Variants in SLC25A21 observed in about 807,000 individuals in gnomAD.
SLC25A21 encodes solute carrier family 25 member 21, also known as mitochondrial 2-oxodicarboxylate carrier.
Under a neutral mutation model 43.8 loss-of-function variants are expected in SLC25A21, and 47 were observed. The ratio of observed to expected loss-of-function variants is 1.07; its 90% confidence interval spans 0.85 to 1.37. The LOEUF (loss-of-function observed/expected upper bound fraction) is 1.37. SLC25A21 is among the 40% of genes most tolerant of loss of function. SLC25A21 has a pLI of 0.00. For missense variants in SLC25A21, 352 were observed against 350.2 expected, an observed-to-expected ratio of 1.00 and a Z score of -0.04; for synonymous variants, 131 against 121.3, an observed-to-expected ratio of 1.08 and a Z score of -0.52.
At chr14:37,093,784 T>C (rs1255837532) in intron 1 of SLC25A21, among the ~76,000 whole-genome samples, 2 of 152,214 alleles carry the variant, frequency 1.3e-5, no homozygotes, top group African/African-American at 4.8e-5. Flanking sequence ...CCATTTAACC[T>C]GAATTTCTCT....
Position 36,678,719 on chromosome 14 carries a change from A to C in SLC25A21, c.*1939T>G. ...TTATTTTCTTTATCTAAATTAAGAA[A>C]TCTCTTGTTATTGTGCTATTTATAA... is the stretch of plus-strand genomic sequence containing the variant. On this transcript the variant is annotated 3_prime_UTR_variant, in exon 10 of 10. Transcript: ENST00000331299. 1 of 1,204,286 alleles carries C rather than the reference A, an allele frequency of 8.3e-7. No homozygotes were observed. Among genetic ancestry groups the C allele is most frequent in the Admixed American group, 4.0e-5 (1 of 25,044 alleles). The allele number at this position is 1,204,286 out of a possible 1,614,324, so 74.6% of individuals were successfully genotyped here. A position where few individuals can be genotyped will look rare whatever the true frequency, so the allele number is the denominator to read the frequency against.
chr14:37,115,660 G>C (rs1963094006), intron 1 of SLC25A21, among the ~76,000 whole-genome samples: 1 of 152,106 alleles, frequency 6.6e-6, no homozygotes. Context: ...GCCTATTCAA[G>C]CTGCTGAGAA....
At chr14:37,147,962 C>T (rs1594817626) in intron 1 of SLC25A21, among the ~76,000 whole-genome samples, 2 of 151,252 alleles carry the variant, frequency 1.3e-5, no homozygotes, top group African/African-American at 2.4e-5. Flanking sequence ...CTCAGCCTCC[C>T]GAGTAGCAGG....
At chr14:36,893,071 G>A (rs1463442059) in intron 1 of SLC25A21, among the ~76,000 whole-genome samples, 1 of 152,138 alleles carries the variant, frequency 6.6e-6, no homozygotes, top group African/African-American at 2.4e-5. Context: ...ACCAGTAATG[G>A]GATGGCTGGG....
At chr14:36,758,434 G>A (rs932882395) in intron 3 of SLC25A21, among the ~76,000 whole-genome samples, 1 of 152,094 alleles carries the variant, frequency 6.6e-6, no homozygotes, top group Non-Finnish European at 1.5e-5. Flanking sequence ...GAGGGGCGTA[G>A]TGTTTCTTAT....
At chr14:37,151,670 A>G (rs1012490111) in intron 1 of SLC25A21, among the ~76,000 whole-genome samples, 17 of 152,194 alleles carry the variant, frequency 1.1e-4, no homozygotes, top group Non-Finnish European at 2.1e-4. Flanking sequence ...CTTTGAAAGC[A>G]AAGAGCAGAG....
At chr14:37,131,980 A>C (rs1963398919) in intron 1 of SLC25A21, among the ~76,000 whole-genome samples, 1 of 152,148 alleles carries the variant, frequency 6.6e-6, no homozygotes, top group Non-Finnish European at 1.5e-5. Context: ...GCCCACGGGG[A>C]GTAATTTATA....
chr14:36,881,141 T>G (rs940753794), intron 1 of SLC25A21, among the ~76,000 whole-genome samples: 4 of 152,220 alleles, frequency 2.6e-5, no homozygotes, highest in Non-Finnish European at 4.4e-5. Flanking sequence ...ACATGACTGC[T>G]TACGTTTATC....
intron 3 of SLC25A21, among the ~76,000 whole-genome samples, chr14:36,743,109 T>C (rs1257336447): frequency 6.6e-6 from 1 of 152,290 alleles, no homozygotes; most frequent in Admixed American, 6.5e-5. Flanking sequence ...GCACTAAACA[T>C]GTTGCTCAGT....
Position 36,700,475 on chromosome 14 carries a change from G to C in SLC25A21, c.603+10843C>G, listed in dbSNP as rs1883230626. Among the ~76,000 whole-genome samples the C allele has an allele frequency of 3.9e-5, 6 of 152,210 alleles. No homozygotes were observed. The South Asian group carries it at 1.2e-3, about 32-fold the overall frequency. On this transcript the variant is annotated intron_variant, in intron 7 of 9. Coordinates refer to ENST00000331299, the MANE Select transcript of SLC25A21 (RefSeq NM_030631.4). ...CTGGAAGCCATGTCACCAGAAGAGT[G>C]AATGGGCAGCTGTGGGTATACTCTG... is the stretch of plus-strand genomic sequence containing the variant.
chr14:37,003,577 T>TTGTTG (rs1276566708), intron 1 of SLC25A21, among the ~76,000 whole-genome samples: 1 of 152,196 alleles, frequency 6.6e-6, no homozygotes, highest in Non-Finnish European at 1.5e-5. Flanking sequence ...TACACAGAAG[T>TTGTTG]TATAATGAAT....
At chr14:36,811,462 C>T (rs1474029106) in intron 3 of SLC25A21, among the ~76,000 whole-genome samples, 1 of 152,024 alleles carries the variant, frequency 6.6e-6, no homozygotes, top group African/African-American at 2.4e-5. Flanking sequence ...ACCAGCCTGG[C>T]CAACACGGTG....
At chr14:36,797,223 CAT>C (rs941161956) in intron 3 of SLC25A21, among the ~76,000 whole-genome samples, 21 of 152,140 alleles carry the variant, frequency 1.4e-4, no homozygotes, top group African/African-American at 5.1e-4. Context: ...TTTTTAATCT[CAT>C]AGTTGGATTA....
At chr14:37,140,534 G>A (rs1358887165) in intron 1 of SLC25A21, among the ~76,000 whole-genome samples, 1 of 152,092 alleles carries the variant, frequency 6.6e-6, no homozygotes, top group African/African-American at 2.4e-5. Context: ...TGAGGTATTG[G>A]GAGAATTGAA....
chr14:36,923,417 A>G (rs923327505), intron 1 of SLC25A21, among the ~76,000 whole-genome samples: 1 of 152,196 alleles, frequency 6.6e-6, no homozygotes, highest in Admixed American at 6.5e-5. Flanking sequence ...CCTGTACACT[A>G]TAAGAAATAC....
At chr14:37,156,731 A>G (rs2138942663) in intron 1 of SLC25A21, among the ~76,000 whole-genome samples, 1 of 151,556 alleles carries the variant, frequency 6.6e-6, no homozygotes, top group African/African-American at 2.4e-5. Flanking sequence ...AGAGGATATA[A>G]CAATTCTAAA....
At chr14:36,771,320 G>T (rs712328) in intron 3 of SLC25A21, among the ~76,000 whole-genome samples, 24,023 of 151,982 alleles carry the variant, frequency 0.16, 2,186 homozygotes, top group Middle Eastern at 0.25. Flanking sequence ...TGATTTAATC[G>T]TATTTTTGCA....
In SLC25A21 at chr14:36,722,599, A is replaced by C. The variant is rs559788477; in HGVS notation, c.438+2971T>G. Among the ~76,000 whole-genome samples, 6 of 152,296 alleles carry C rather than the reference A, an allele frequency of 3.9e-5. No homozygotes were observed. The South Asian group carries it at 1.2e-3, about 32-fold the overall frequency. Reference sequence around the variant, plus strand: ...CTGTGCACCTAAAATTGCTCTAAAAATAGTCAAGAAAAATGAATATACTGG... The same window carrying C: ...CTGTGCACCTAAAATTGCTCTAAAACTAGTCAAGAAAAATGAATATACTGG... On this transcript the variant is annotated intron_variant, in intron 6 of 9. Transcript: ENST00000331299.
intron 1 of SLC25A21, among the ~76,000 whole-genome samples, chr14:37,121,654 G>A (rs569439662): frequency 6.6e-6 from 1 of 151,980 alleles, no homozygotes; most frequent in Admixed American, 6.6e-5. Flanking sequence ...TGGGTGTGGT[G>A]GTGGGTGCCT....
Sources: allele counts gnomAD v4.1 joint callset (sites outside exome capture counted in the v4.1 genomes callset), GRCh38; gene constraint gnomAD v4.1.1; transcripts MANE v1.5; gene names NCBI Gene and HGNC (gene_info 2026-07-23, HGNC 2026-07-21).